Variants in WWOX observed in about 807,000 individuals in gnomAD.
The protein encoded by WWOX is WW domain-containing oxidoreductase.
A neutral mutation model predicts 46.2 loss-of-function variants in WWOX; 69 were observed. That is an observed-to-expected ratio of 1.49 (90% CI 1.23 to 1.82). The LOEUF (loss-of-function observed/expected upper bound fraction) is 1.82, where lower values mean the gene tolerates loss of function less well. WWOX is among the 40% of genes most tolerant of loss of function. WWOX has a pLI of 0.00. For missense variants in WWOX, 919 were observed against 542.6 expected (o/e 1.69, Z -6.89); for synonymous variants, 359 against 202.6 (o/e 1.77, Z -6.56).
At chr16:78,735,394 A>ACACACACACACACACACAC (rs2049064573) in intron 8 of WWOX, among the ~76,000 whole-genome samples, 2 of 121,276 alleles carry the variant, frequency 1.6e-5, no homozygotes, top group African/African-American at 6.2e-5. Context: ...ACCACACACA[A>ACACACACACACACACACAC]ACACACACAC....
chr16:79,064,306 A>G (rs1375851463), intron 8 of WWOX, among the ~76,000 whole-genome samples: 2 of 152,210 alleles, frequency 1.3e-5, no homozygotes, highest in East Asian at 3.8e-4. Flanking sequence ...ATTTAAGATG[A>G]TGGTTTAGGG....
intron 5 of WWOX, among the ~76,000 whole-genome samples, chr16:78,244,149 C>T (rs1162598366): frequency 6.6e-6 from 1 of 152,144 alleles, no homozygotes; most frequent in Non-Finnish European, 1.5e-5. Context: ...CCCTTGATAC[C>T]TCGTAACCTC....
chr16:78,273,512 G>T (rs1388649908), intron 5 of WWOX, among the ~76,000 whole-genome samples: 1 of 152,158 alleles, frequency 6.6e-6, no homozygotes, highest in African/African-American at 2.4e-5. Flanking sequence ...ATCCATAGGA[G>T]GAATTTAGAG....
At chr16:78,880,892 C>G (rs1201065236) in intron 8 of WWOX, among the ~76,000 whole-genome samples, 1 of 151,652 alleles carries the variant, frequency 6.6e-6, no homozygotes, top group South Asian at 2.1e-4. Flanking sequence ...CAGATCAGGT[C>G]AGACGTAGGT....
chr16:78,565,384 ATCT>A (rs2044540538), intron 8 of WWOX, among the ~76,000 whole-genome samples: 1 of 152,224 alleles, frequency 6.6e-6, no homozygotes, highest in African/African-American at 2.4e-5. Context: ...TGCGTTTTTC[ATCT>A]TCTAGAGGCC....
At position 78,346,965 on chromosome 16, in the gene WWOX, T is replaced by C. The variant is rs1381258932; in HGVS notation, c.517-39895T>C. 4.2e-5 allele frequency among the ~76,000 whole-genome samples: 5 copies of C among 119,800 alleles called. 2 individuals carry two copies. The highest frequency in any genetic ancestry group is 9.9e-5 in the Non-Finnish European group (5 of 50,322). 78.6% of individuals were successfully genotyped at this position (119,800 alleles called of 152,430 possible). A position where few individuals can be genotyped will look rare whatever the true frequency, so the allele number is the denominator to read the frequency against. On this transcript the variant is annotated intron_variant, in intron 5 of 8. Coordinates refer to ENST00000566780, the MANE Select transcript of WWOX (RefSeq NM_016373.4). ...GGTTTCAACTCCTGACCTCAGGTGA[T>C]CTGCCTGCCTCGGCCTCCCAAAGTG... is the stretch of plus-strand genomic sequence containing the variant.
At chr16:79,180,924 C>G (rs1001787922) in intron 8 of WWOX, among the ~76,000 whole-genome samples, 2 of 152,188 alleles carry the variant, frequency 1.3e-5, no homozygotes, top group African/African-American at 2.4e-5. Context: ...ACATTTGTGT[C>G]TGGTCTTTTT....
rs72797434 is a variant in WWOX, at chr16:79,176,273, T to A, written c.1057-35335T>A. 9.8e-3 allele frequency among the ~76,000 whole-genome samples: 1,489 copies of A among 152,316 alleles called. 13 individuals carry two copies. Among genetic ancestry groups the A allele is most frequent in the Non-Finnish European group, 0.015 (1,047 of 68,024 alleles). ...TACGTTCCACAAAGTGACTCAGGGA[T>A]CCAGGCTGCAGCCACTTAGTGGTTC... On this transcript the variant is annotated intron_variant, in intron 8 of 8. Coordinates refer to ENST00000566780, the MANE Select transcript of WWOX (RefSeq NM_016373.4).
intron 4 of WWOX, among the ~76,000 whole-genome samples, chr16:78,144,429 C>CTATATATATATATG (rs1555542994): frequency 6.5e-5 from 1 of 15,400 alleles, no homozygotes; most frequent in Non-Finnish European, 1.1e-4. Flanking sequence ...TTTGCCATTA[C>CTATATATATATATG]TATATATATA....
chr16:78,272,709 C>T (rs1026915530), intron 5 of WWOX, among the ~76,000 whole-genome samples: 3 of 152,158 alleles, frequency 2.0e-5, no homozygotes, highest in African/African-American at 7.2e-5. Flanking sequence ...ATGTTCACAA[C>T]GTTCCCATTT....
At chr16:78,661,738 A>G (rs938816665) in intron 8 of WWOX, among the ~76,000 whole-genome samples, 7 of 152,160 alleles carry the variant, frequency 4.6e-5, no homozygotes, top group African/African-American at 1.7e-4. Context: ...GCCATCTTTT[A>G]ATAATAGTAG....
intron 8 of WWOX, among the ~76,000 whole-genome samples, chr16:79,121,887 G>A (rs954073607): frequency 1.3e-4 from 20 of 152,130 alleles, no homozygotes; most frequent in African/African-American, 4.3e-4. Context: ...TCGTGTGTGT[G>A]TTTGTGTTTT....
intron 8 of WWOX, among the ~76,000 whole-genome samples, chr16:78,576,246 G>C (rs1272011660): frequency 6.6e-6 from 1 of 152,108 alleles, no homozygotes; most frequent in Non-Finnish European, 1.5e-5. Context: ...GTTCTTCTAT[G>C]TTTCACCAAC....
intron 4 of WWOX, among the ~76,000 whole-genome samples, chr16:78,152,046 C>G (rs956342841): frequency 1.3e-5 from 2 of 152,044 alleles, no homozygotes; most frequent in African/African-American, 4.8e-5. Flanking sequence ...AAAAATTAGC[C>G]GGGTGTGGTG....
chr16:78,585,947 A>C (rs2045192236), intron 8 of WWOX, among the ~76,000 whole-genome samples: 1 of 151,792 alleles, frequency 6.6e-6, no homozygotes, highest in African/African-American at 2.4e-5. Flanking sequence ...CTATAATCCC[A>C]GCAGTTTTGG....
In WWOX at chr16:78,808,810, A is replaced by C. The variant is rs73575701; in HGVS notation, c.1056+376058A>C. ...GTGTGTGATCTTGACCACTAGCCTA[A>C]ACTGCTATTTTATGTCCACCCATCA... On this transcript the variant is annotated intron_variant, in intron 8 of 8. Coordinates refer to ENST00000566780, the MANE Select transcript of WWOX (RefSeq NM_016373.4). 1.3e-3 allele frequency among the ~76,000 whole-genome samples: 205 copies of C among 152,230 alleles called. 1 individual carries two copies. Among genetic ancestry groups the C allele is most frequent in the African/African-American group, 4.8e-3 (201 of 41,526 alleles).
chr16:78,651,952 G>A (rs2046974897), intron 8 of WWOX, among the ~76,000 whole-genome samples: 1 of 152,080 alleles, frequency 6.6e-6, no homozygotes, highest in Admixed American at 6.5e-5. Context: ...AGGGATGGTT[G>A]CCATTATCAG....
chr16:78,628,064 A>G lies in WWOX; in HGVS notation c.1056+195312A>G, dbSNP rs183312949. Among the ~76,000 whole-genome samples the G allele has an allele frequency of 1.0e-3, 155 of 152,246 alleles. 1 individual carries two copies. Among genetic ancestry groups the G allele is most frequent in the African/African-American group, 3.6e-3 (151 of 41,552 alleles). ...CAAGGAAAGATACAGGGTGTGTCAG[A>G]TTTTGTAAGGATTTTCAAGGAGCAG... On this transcript the variant is annotated intron_variant, in intron 8 of 8. Transcript: ENST00000566780.
chr16:78,411,957 C>G (rs2082691307), intron 6 of WWOX, among the ~76,000 whole-genome samples: 2 of 152,200 alleles, frequency 1.3e-5, no homozygotes, highest in Non-Finnish European at 2.9e-5. Flanking sequence ...ATGGGGAGCT[C>G]TGGAGAAGGA....
Sources: gnomAD v4.1 joint callset for allele counts (sites outside exome capture counted in the v4.1 genomes callset) on GRCh38, gnomAD v4.1.1 for gene constraint, MANE v1.5 for transcripts, NCBI Gene and HGNC (gene_info 2026-07-23, HGNC 2026-07-21) for gene names.